Variants in UMODL1 observed in about 807,000 individuals in gnomAD.
The protein encoded by UMODL1 is uromodulin-like 1.
A neutral mutation model predicts 136.3 loss-of-function variants in UMODL1; 128 were observed. That is an observed-to-expected ratio of 0.94 (90% CI 0.81 to 1.09). UMODL1 has a LOEUF of 1.09. Among genes scored for constraint, UMODL1 ranks in the 50% least tolerant of loss-of-function variants. The pLI is 0.00. For missense variants in UMODL1, 1,766 were observed against 1,725.6 expected (o/e 1.02, Z -0.41); for synonymous variants, 721 against 720.0 (o/e 1.00, Z -0.02).
At chr21:42,094,722 A>G (rs2066532868) in intron 6 of UMODL1, among the ~76,000 whole-genome samples, 2 of 152,188 alleles carry the variant, frequency 1.3e-5, no homozygotes, top group East Asian at 1.9e-4. Context: ...AGGTCTGTCC[A>G]ACAAAAGAGA....
In UMODL1 at chr21:42,127,062, A is replaced by G. The variant is rs770525444; in HGVS notation, c.3350A>G (p.Gln1117Arg). ...HGAGNFVTEM[Q>R]LFIGDSPIPQ... The stretch of plus-strand genomic sequence containing the variant: ...GCTGGGAATTTTGTTACCGAAATGC[A>G]GTTGTTTATCGGAGACTCTCCCATA... The change falls in exon 19 of 23, where the codon CAG (glutamine) becomes CGG (arginine). Residue 1117 changes from glutamine to arginine, a missense_variant. Gln to Arg is a conservative substitution (Grantham distance 43). Coordinates refer to ENST00000408910, the MANE Select transcript of UMODL1 (RefSeq NM_001004416.3). 1.9e-6 allele frequency: 3 copies of G among 1,614,194 alleles called. No individual in the cohort carries two copies. Among genetic ancestry groups the G allele is most frequent in the Non-Finnish European group, 1.7e-6 (2 of 1,180,042 alleles).
chr21:42,098,309 G>A (rs1234214450), intron 6 of UMODL1, among the ~76,000 whole-genome samples: 1 of 152,186 alleles, frequency 6.6e-6, no homozygotes. Flanking sequence ...GTGATAGAGA[G>A]GCTGGGATTT....
intron 6 of UMODL1, chr21:42,093,736 C>T: frequency 2.7e-6 from 1 of 375,080 alleles, no homozygotes; most frequent in South Asian, 2.0e-5. Flanking sequence ...AAAGAGCAGG[C>T]ACTCCACAAA....
chr21:42,117,859 A>C (rs1337624427), intron 14 of UMODL1, among the ~76,000 whole-genome samples: 1 of 152,240 alleles, frequency 6.6e-6, no homozygotes. Flanking sequence ...CAAAAGAGGC[A>C]GCTCCGTTTC....
intron 6 of UMODL1, among the ~76,000 whole-genome samples, chr21:42,095,776 C>T (rs2066550670): frequency 6.6e-6 from 1 of 152,056 alleles, no homozygotes; most frequent in South Asian, 2.1e-4. Flanking sequence ...CTTTCTAGGC[C>T]TCAGTTTTGT....
intron 2 of UMODL1, among the ~76,000 whole-genome samples, chr21:42,077,163 G>GTGTGATGTGGGGA (rs2066304595): frequency 6.6e-6 from 1 of 151,154 alleles, no homozygotes. Flanking sequence ...GGATGTGGGG[G>GTGTGATGTGGGGA]TGTGTGGCTC....
chr21:42,128,285 C>T, intron 20 of UMODL1: 2 of 286,774 alleles, frequency 7.0e-6, no homozygotes, highest in South Asian at 6.1e-5. Flanking sequence ...GATAATTTTA[C>T]ATTCCTGTTT....
At chr21:42,080,014 C>A (rs946751216) in intron 2 of UMODL1, among the ~76,000 whole-genome samples, 2 of 152,210 alleles carry the variant, frequency 1.3e-5, no homozygotes, top group African/African-American at 2.4e-5. Flanking sequence ...CAACTCCTGC[C>A]GCTGGAGGGC....
At chr21:42,077,071 G>T in intron 2 of UMODL1, among the ~76,000 whole-genome samples, 1 of 138,710 alleles carries the variant, frequency 7.2e-6, no homozygotes, top group African/African-American at 2.6e-5. Context: ...GTGTGTGGTG[G>T]CTGCTAATTT....
Position 42,084,252 on chromosome 21 carries a change from T to C in UMODL1, c.481+7T>C, listed in dbSNP as rs2066399002. ...ATGGCCCCTGCACCCCAAGGTAGGC[T>C]GCTGCGGGCCATGCTTATGGACAGG... is the stretch of plus-strand genomic sequence containing the variant. On this transcript the variant is annotated splice_region_variant and intron_variant, in intron 3 of 22. Coordinates refer to ENST00000408910, the MANE Select transcript of UMODL1 (RefSeq NM_001004416.3). The C allele has an allele frequency of 1.9e-6, 3 of 1,611,992 alleles. No individual in the cohort carries two copies. The East Asian group carries it at 6.7e-5, about 36-fold the overall frequency.
In UMODL1 at chr21:42,123,058, C is replaced by T. The variant is rs2067000020; in HGVS notation, c.3055C>T (p.Leu1019Phe). The T allele has an allele frequency of 2.5e-6, 4 of 1,614,130 alleles. No homozygotes were observed. The highest frequency in any genetic ancestry group is 2.2e-5 in the East Asian group (1 of 44,880). Residue 1019 changes from leucine (L) to phenylalanine (F), a missense_variant, in exon 17 of 23, where the codon CTC becomes TTC. By Grantham distance (22) the Leu-to-Phe change is conservative. Transcript: ENST00000408910. This position sits in a 1 kb window ranked among gnomAD's most constrained non-coding sequence, Gnocchi z 4.4. ...ATCCATCCCCGAGTCCTCGTTGTAC[C>T]TCAGCCACCCCTCCTGCAACGTGAG... Reference protein sequence around the residue: ...QESIPESSLYLSHPSCNVSHS... With the variant: ...QESIPESSLYFSHPSCNVSHS...
At chr21:42,137,947 C>A (rs1443758913) in intron 22 of UMODL1, among the ~76,000 whole-genome samples, 1 of 152,080 alleles carries the variant, frequency 6.6e-6, no homozygotes, top group Non-Finnish European at 1.5e-5. Flanking sequence ...AGCCTCCCTT[C>A]TGAAAAAGCA....
intron 9 of UMODL1, among the ~76,000 whole-genome samples, chr21:42,106,931 C>G (rs2066729107): frequency 6.6e-6 from 1 of 152,190 alleles, no homozygotes; most frequent in Non-Finnish European, 1.5e-5. Context: ...TAGCCCAGTG[C>G]CTGTGCATGG....
intron 10 of UMODL1, 73 bp from the exon 11 acceptor site, chr21:42,110,807 T>A: frequency 7.1e-7 from 1 of 1,413,836 alleles, no homozygotes; most frequent in Non-Finnish European, 9.6e-7. Context: ...TGGACGGCCA[T>A]GCTGCCCTCC....
intron 1 of UMODL1, 47 bp from the exon 2 acceptor site, chr21:42,075,958 A>G (rs1488353118): frequency 6.2e-7 from 1 of 1,607,418 alleles, no homozygotes; most frequent in Non-Finnish European, 8.5e-7. Flanking sequence ...GCTCGCACGG[A>G]TCTGATCCTG....
At chr21:42,118,907 C>T (rs2066932841) in intron 14 of UMODL1, among the ~76,000 whole-genome samples, 1 of 152,188 alleles carries the variant, frequency 6.6e-6, no homozygotes, top group East Asian at 1.9e-4. Context: ...AAGGGCTCTT[C>T]TCATATCACA....
chr21:42,116,542 T>A (rs867102274), intron 14 of UMODL1, among the ~76,000 whole-genome samples: 1 of 152,004 alleles, frequency 6.6e-6, no homozygotes, highest in African/African-American at 2.4e-5. Flanking sequence ...GCATCCTTAC[T>A]TCACACTTCA....
chr21:42,135,177 A>G (rs961628383), intron 21 of UMODL1, among the ~76,000 whole-genome samples: 1 of 152,186 alleles, frequency 6.6e-6, no homozygotes, highest in Admixed American at 6.5e-5. Flanking sequence ...CGATGCATAC[A>G]CAGCTCATGC....
In UMODL1 at chr21:42,123,573, ATG is replaced by A. The variant is rs1365784168; in HGVS notation, c.3147+428_3147+429del. On this transcript the variant is annotated intron_variant, in intron 17 of 22. Coordinates refer to ENST00000408910, the MANE Select transcript of UMODL1 (RefSeq NM_001004416.3). This position sits in a 1 kb window ranked among gnomAD's most constrained non-coding sequence, Gnocchi z 4.4. ...TGTGCATGTGTGTGAATGTGTGTAA[ATG>A]TGTGAATCTGTGTGTGCGAATGTGT... Among the ~76,000 whole-genome samples, 6 of 151,064 alleles carry A rather than the reference ATG, an allele frequency of 4.0e-5. No homozygotes were observed. The highest frequency in any genetic ancestry group is 1.5e-5 in the Non-Finnish European group (1 of 67,778).
Sources: gnomAD v4.1 joint callset for allele counts (sites outside exome capture counted in the v4.1 genomes callset) on GRCh38, gnomAD v4.1.1 for gene constraint, Gnocchi (gnomAD v3.1) non-coding constraint, MANE v1.5 for transcripts, NCBI Gene and HGNC (gene_info 2026-07-23, HGNC 2026-07-21) for gene names.